The following FRMD4A variants were observed in gnomAD, a reference collection of about 807,000 sequenced individuals.
The protein encoded by FRMD4A is FERM domain containing 4A.
A neutral mutation model predicts 129.1 loss-of-function variants in FRMD4A; 29 were observed. The ratio of observed to expected loss-of-function variants is 0.22; its 90% CI spans 0.17 to 0.31. FRMD4A has a LOEUF of 0.31. Ranked by LOEUF, FRMD4A falls within the 10% of genes least tolerant of loss-of-function variation. FRMD4A has a pLI of 1.00. For synonymous variants in FRMD4A, 634 were observed against 571.6 expected (o/e 1.11, Z -1.56); for missense variants, 1,272 against 1,375.8 (o/e 0.92, Z 1.19).
At chr10:14,059,667 A>G (rs940590312) in intron 2 of FRMD4A, among the ~76,000 whole-genome samples, 10 of 152,210 alleles carry the variant, frequency 6.6e-5, no homozygotes, top group Non-Finnish European at 1.2e-4. Flanking sequence ...TTATTTTGTT[A>G]TAGCAGCCTC....
At chr10:14,174,911 G>A (rs1041805311) in intron 2 of FRMD4A, among the ~76,000 whole-genome samples, 2 of 149,988 alleles carry the variant, frequency 1.3e-5, no homozygotes, top group Admixed American at 6.6e-5. Context: ...GTGTGTGTGT[G>A]TGTGTGTGGA....
At chr10:13,853,144 T>A (rs2094162297) in intron 3 of FRMD4A, among the ~76,000 whole-genome samples, 1 of 152,132 alleles carries the variant, frequency 6.6e-6, no homozygotes, top group Admixed American at 6.5e-5. Context: ...GAGACTCACA[T>A]CATGCGGCAG....
At chr10:13,996,187 C>A (rs1206099485) in intron 2 of FRMD4A, among the ~76,000 whole-genome samples, 1 of 152,216 alleles carries the variant, frequency 6.6e-6, no homozygotes, top group East Asian at 1.9e-4. Context: ...GGCCCCATCT[C>A]TTAATGCCAT....
At chr10:14,005,104 C>A (rs991491836) in intron 2 of FRMD4A, among the ~76,000 whole-genome samples, 1 of 151,954 alleles carries the variant, frequency 6.6e-6, no homozygotes, top group East Asian at 1.9e-4. Context: ...CTCACAGCAA[C>A]CTCCACCTCC....
Position 13,897,906 on chromosome 10 carries a change from C to T in FRMD4A, c.46-38994G>A, listed in dbSNP as rs539494839. 6.1e-5 allele frequency among the ~76,000 whole-genome samples: 9 copies of T among 148,352 alleles called. 1 individual carries two copies. Among genetic ancestry groups the T allele is most frequent in the African/African-American group, 2.3e-4 (9 of 39,766 alleles). ...TGAGCTGAGATCCGTCATTGCACTC[C>T]AGCCTGGGTGACAGACAGAGACTCC... On this transcript the variant is annotated intron_variant, in intron 2 of 24. Coordinates refer to ENST00000357447, the MANE Select transcript of FRMD4A (RefSeq NM_018027.5).
At chr10:14,078,737 A>T in intron 2 of FRMD4A, among the ~76,000 whole-genome samples, 1 of 152,200 alleles carries the variant, frequency 6.6e-6, no homozygotes, top group Non-Finnish European at 1.5e-5. Flanking sequence ...GAAGTCCAGA[A>T]ATGGCAAAGT....
intron 2 of FRMD4A, among the ~76,000 whole-genome samples, chr10:13,979,632 G>A (rs2095553702): frequency 1.3e-5 from 2 of 152,006 alleles, no homozygotes; most frequent in Admixed American, 1.3e-4. Flanking sequence ...ACTCGTTGGG[G>A]GTATTACATT....
chr10:13,900,758 G>A lies in FRMD4A; in HGVS notation c.46-41846C>T, dbSNP rs544071136. Among the ~76,000 whole-genome samples the A allele has an allele frequency of 9.4e-3, 1,428 of 152,158 alleles. 13 individuals are homozygous for A. Among genetic ancestry groups the A allele is most frequent in the South Asian group, 0.027 (130 of 4,794 alleles). Reference sequence around the variant, plus strand: ...CTAAAAATACAAAAATTAGCCAGGCGTGTTGGCAGGTGCCTGTAATCCCAG... The same window carrying A: ...CTAAAAATACAAAAATTAGCCAGGCATGTTGGCAGGTGCCTGTAATCCCAG... On this transcript the variant is annotated intron_variant, in intron 2 of 24. Transcript: ENST00000357447.
intron 2 of FRMD4A, among the ~76,000 whole-genome samples, chr10:14,022,937 G>A (rs1832825797): frequency 6.6e-6 from 1 of 152,048 alleles, no homozygotes; most frequent in East Asian, 1.9e-4. Flanking sequence ...TGATTAATTC[G>A]TTTCCTCCAA....
chr10:13,752,471 T>C (rs1404676405), intron 8 of FRMD4A, among the ~76,000 whole-genome samples: 1 of 152,032 alleles, frequency 6.6e-6, no homozygotes, highest in Non-Finnish European at 1.5e-5. Flanking sequence ...TTCAAGAAAG[T>C]CCCCCTGGGT....
At chr10:13,813,139 C>G (rs2093477477) in intron 3 of FRMD4A, among the ~76,000 whole-genome samples, 1 of 152,184 alleles carries the variant, frequency 6.6e-6, no homozygotes. Context: ...GGTAGTGTGG[C>G]TGCTTTTTAA....
chr10:13,933,510 C>A (rs1857263), intron 2 of FRMD4A, among the ~76,000 whole-genome samples: 34 of 152,128 alleles, frequency 2.2e-4, no homozygotes, highest in African/African-American at 7.5e-4. Context: ...TGCCAAGAAC[C>A]TGGCCACCCT....
At chr10:14,266,571 C>T (rs2132040459) in intron 2 of FRMD4A, among the ~76,000 whole-genome samples, 1 of 151,682 alleles carries the variant, frequency 6.6e-6, no homozygotes, top group Admixed American at 6.6e-5. Flanking sequence ...CTCAGAAAAA[C>T]ATAAAGCAGA....
At chr10:14,205,409 T>C (rs1219478638) in intron 2 of FRMD4A, among the ~76,000 whole-genome samples, 1 of 152,086 alleles carries the variant, frequency 6.6e-6, no homozygotes, top group Non-Finnish European at 1.5e-5. Context: ...TCCTAGGAGT[T>C]TTCTGATGCT....
intron 2 of FRMD4A, among the ~76,000 whole-genome samples, chr10:14,200,832 A>G (rs1842615678): frequency 6.6e-6 from 1 of 152,042 alleles, no homozygotes; most frequent in Non-Finnish European, 1.5e-5. Flanking sequence ...TGTCTCTTCT[A>G]GGTTCTGCCG....
At chr10:14,047,319 G>T (rs1834031201) in intron 2 of FRMD4A, among the ~76,000 whole-genome samples, 1 of 152,134 alleles carries the variant, frequency 6.6e-6, no homozygotes, top group Non-Finnish European at 1.5e-5. Flanking sequence ...GTTTTAATCG[G>T]CTGGTACCTC....
intron 2 of FRMD4A, among the ~76,000 whole-genome samples, chr10:14,265,805 G>T (rs1844957217): frequency 6.6e-6 from 1 of 152,310 alleles, no homozygotes; most frequent in Non-Finnish European, 1.5e-5. Flanking sequence ...GAATGTGACT[G>T]CCCCTGTATG....
chr10:14,196,099 C>T (rs1842464464), intron 2 of FRMD4A, among the ~76,000 whole-genome samples: 1 of 152,088 alleles, frequency 6.6e-6, no homozygotes, highest in African/African-American at 2.4e-5. Flanking sequence ...CATGCTAAAA[C>T]CCTTCCAGCT....
Position 13,714,027 on chromosome 10 carries a change from C to T in FRMD4A, c.760-6914G>A, listed in dbSNP as rs9663486. ...ATATAATATACATATATAAAATATA[C>T]ATATATATATATATATATATATATA... On this transcript the variant is annotated intron_variant, in intron 12 of 24. Transcript: ENST00000357447. Among the ~76,000 whole-genome samples the T allele has an allele frequency of 9.6e-3, 299 of 30,990 alleles. 63 individuals are homozygous for T. Among genetic ancestry groups the T allele is most frequent in the African/African-American group, 0.033 (193 of 5,844 alleles). 20.3% of individuals were successfully genotyped at this position (30,990 alleles called of 152,430 possible).
Sources: allele counts gnomAD v4.1 joint callset (sites outside exome capture counted in the v4.1 genomes callset), GRCh38; gene constraint gnomAD v4.1.1; transcripts MANE v1.5; gene names NCBI Gene and HGNC (gene_info 2026-07-23, HGNC 2026-07-21).